The following BABAM2 variants were observed in gnomAD, a reference collection of about 807,000 sequenced individuals.
BABAM2 encodes the protein BRISC and BRCA1 A complex member 2, also known as BRISC and BRCA1-A complex member 2.
BABAM2 carries 31 observed loss-of-function variants against 54.7 expected under a neutral mutation model. The ratio of observed to expected loss-of-function variants is 0.57; its 90% CI spans 0.43 to 0.77. The LOEUF is 0.77. Among genes scored for constraint, BABAM2 ranks in the 30% least tolerant of loss-of-function variants. The pLI, the probability that BABAM2 is intolerant of heterozygous loss-of-function variation, is 0.00. For missense variants in BABAM2, 364 were observed against 455.8 expected (o/e 0.80, Z 1.83); for synonymous variants, 167 against 162.9 (o/e 1.03, Z -0.19).
chr2:27,950,810 A>T (rs992040728), intron 3 of BABAM2, among the ~76,000 whole-genome samples: 1 of 152,260 alleles, frequency 6.6e-6, no homozygotes, highest in East Asian at 1.9e-4. Flanking sequence ...TAAAGTACAA[A>T]TTAAATTTGC....
chr2:27,901,387 T>G (rs896494339), intron 2 of BABAM2, among the ~76,000 whole-genome samples: 1 of 152,232 alleles, frequency 6.6e-6, no homozygotes, highest in Admixed American at 6.5e-5. Context: ...AGTATCTTTT[T>G]TCAGCATATT....
chr2:28,140,353 C>T (rs954922277), intron 7 of BABAM2, among the ~76,000 whole-genome samples: 1 of 152,040 alleles, frequency 6.6e-6, no homozygotes, highest in Non-Finnish European at 1.5e-5. Flanking sequence ...GTATGAGGAC[C>T]TTTTATTAAT....
intron 6 of BABAM2, among the ~76,000 whole-genome samples, chr2:28,086,686 A>G (rs1170931323): frequency 6.6e-6 from 1 of 152,220 alleles, no homozygotes; most frequent in Non-Finnish European, 1.5e-5. Context: ...CTTAGACAGA[A>G]ATAACAATGT....
intron 7 of BABAM2, among the ~76,000 whole-genome samples, chr2:28,194,749 T>G (rs1386401228): frequency 6.6e-6 from 1 of 151,850 alleles, no homozygotes; most frequent in Non-Finnish European, 1.5e-5. Context: ...TTAGTAGAGA[T>G]GGGGTTTGCC....
intron 11 of BABAM2, among the ~76,000 whole-genome samples, chr2:28,332,163 C>T (rs967694132): frequency 2.0e-5 from 3 of 152,068 alleles, no homozygotes; most frequent in East Asian, 1.9e-4. Flanking sequence ...GCCTGTTGAT[C>T]GGGGGGCATC....
chr2:28,313,650 T>C (rs1187783367), intron 11 of BABAM2, among the ~76,000 whole-genome samples: 2 of 152,202 alleles, frequency 1.3e-5, no homozygotes, highest in Non-Finnish European at 2.9e-5. Context: ...AGAACAGTGG[T>C]TTCCTAGTTG....
At chr2:28,198,340 A>G (rs979673975) in intron 7 of BABAM2, among the ~76,000 whole-genome samples, 3 of 151,838 alleles carry the variant, frequency 2.0e-5, no homozygotes, top group Non-Finnish European at 4.4e-5. Context: ...AATTTTTTGT[A>G]TTTTTTTAGT....
intron 7 of BABAM2, among the ~76,000 whole-genome samples, chr2:28,183,721 G>T: frequency 8.7e-6 from 1 of 114,946 alleles, no homozygotes; most frequent in Non-Finnish European, 1.9e-5. Context: ...AGAATTTTAT[G>T]TTACTTTTGG....
chr2:28,165,796 A>G (rs1445674850), intron 7 of BABAM2, among the ~76,000 whole-genome samples: 2 of 152,090 alleles, frequency 1.3e-5, no homozygotes, highest in Non-Finnish European at 2.9e-5. Flanking sequence ...TCAGCCTCCC[A>G]TAATGCTGTG....
At chr2:28,324,719 T>C (rs946535081) in intron 11 of BABAM2, among the ~76,000 whole-genome samples, 1 of 152,006 alleles carries the variant, frequency 6.6e-6, no homozygotes, top group Non-Finnish European at 1.5e-5. Context: ...CACTTGAGCC[T>C]TGGAGGTCGA....
intron 6 of BABAM2, among the ~76,000 whole-genome samples, chr2:28,112,222 CCTTCCTTT>C (rs1668194781): frequency 1.6e-5 from 2 of 122,806 alleles, no homozygotes; most frequent in Admixed American, 8.9e-5. Context: ...TTCCTTCCTT[CCTTCCTTT>C]AAGTTCTGGG....
chr2:28,241,479 C>T, intron 9 of BABAM2, 86 bp downstream of exon 9: 9 of 1,278,360 alleles, frequency 7.0e-6, no homozygotes, highest in African/African-American at 1.5e-5. Flanking sequence ...AAGAAAATAG[C>T]ACTTAGTTCT....
intron 9 of BABAM2, among the ~76,000 whole-genome samples, chr2:28,244,099 C>G (rs1052250236): frequency 6.6e-6 from 1 of 152,086 alleles, no homozygotes; most frequent in Non-Finnish European, 1.5e-5. Flanking sequence ...GGGATGTTTT[C>G]TTTTGACACA....
chr2:28,229,399 A>C (rs1341025297), intron 7 of BABAM2, among the ~76,000 whole-genome samples: 1 of 152,194 alleles, frequency 6.6e-6, no homozygotes, highest in Non-Finnish European at 1.5e-5. Flanking sequence ...ATAGAGGAAA[A>C]GCACTTAATA....
chr2:27,988,086 A>G lies in BABAM2; in HGVS notation c.299A>G (p.Gln100Arg). The change falls in exon 4 of 12, where the codon CAG (glutamine) becomes CGG (arginine). Residue 100 changes from glutamine (Q) to arginine (R), a missense_variant and splice_region_variant. Physicochemically the swap from Gln to Arg is conservative, Grantham distance 43. Coordinates refer to ENST00000379624, the MANE Select transcript of BABAM2 (RefSeq NM_199191.3). ...TTCCTGCCAGACCCCTCAGCTTTGC[A>G]GGTGAGTACTGCAGACTTGCTTGAA... is the stretch of plus-strand genomic sequence containing the variant. ...AEFLPDPSAL[Q>R]NLASWNPSNP... The G allele has an allele frequency of 6.2e-7, 1 of 1,611,874 alleles. No homozygotes were observed. Among genetic ancestry groups the G allele is most frequent in the Non-Finnish European group, 8.5e-7 (1 of 1,178,030 alleles).
At chr2:28,294,482 G>A (rs1687529402) in intron 10 of BABAM2, among the ~76,000 whole-genome samples, 1 of 152,076 alleles carries the variant, frequency 6.6e-6, no homozygotes, top group Non-Finnish European at 1.5e-5. Context: ...GGTTCCTTCA[G>A]AGCAAGTTAG....
At chr2:28,215,548 T>C (rs1361204389) in intron 7 of BABAM2, among the ~76,000 whole-genome samples, 1 of 152,214 alleles carries the variant, frequency 6.6e-6, no homozygotes, top group Non-Finnish European at 1.5e-5. Context: ...GAATGTGCTA[T>C]TTAATTTTCA....
At chr2:28,128,660 C>A (rs1285827085) in intron 6 of BABAM2, among the ~76,000 whole-genome samples, 1 of 152,128 alleles carries the variant, frequency 6.6e-6, no homozygotes, top group Non-Finnish European at 1.5e-5. Flanking sequence ...TTGGTACATA[C>A]TTGGATCAAC....
At chr2:27,973,509 G>A (rs536922798) in intron 3 of BABAM2, among the ~76,000 whole-genome samples, 20 of 151,728 alleles carry the variant, frequency 1.3e-4, no homozygotes, top group Non-Finnish European at 2.5e-4. Flanking sequence ...TCTTGCAGTA[G>A]CCTCTTAGAC....
Sources: allele counts gnomAD v4.1 joint callset (sites outside exome capture counted in the v4.1 genomes callset), GRCh38; gene constraint gnomAD v4.1.1; transcripts MANE v1.5; gene names NCBI Gene and HGNC (gene_info 2026-07-23, HGNC 2026-07-21).